Variants in CSMD1 observed in about 807,000 individuals in gnomAD.
The protein encoded by CSMD1 is CUB and Sushi multiple domains 1, also known as CUB and sushi domain-containing protein 1.
Under a neutral mutation model 417.5 loss-of-function variants are expected in CSMD1, and 213 were observed. The ratio of observed to expected loss-of-function variants is 0.51; its 90% CI spans 0.46 to 0.57. CSMD1 has a LOEUF of 0.57. Among genes scored for constraint, CSMD1 ranks in the 20% least tolerant of loss-of-function variants. The pLI is 0.00. For missense variants in CSMD1, 6,923 were observed against 4,529.7 expected, an observed-to-expected ratio of 1.53 and a Z score of -15.17; for synonymous variants, 2,862 against 1,736.8, an observed-to-expected ratio of 1.65 and a Z score of -16.11.
At chr8:4,882,898 A>C (rs1803502357) in intron 1 of CSMD1, among the ~76,000 whole-genome samples, 1 of 152,090 alleles carries the variant, frequency 6.6e-6, no homozygotes, top group African/African-American at 2.4e-5. Context: ...AGCAAGTCCT[A>C]GATTTCTTCA....
At chr8:4,368,824 C>T (rs1187224328) in intron 3 of CSMD1, among the ~76,000 whole-genome samples, 1 of 152,038 alleles carries the variant, frequency 6.6e-6, no homozygotes. Flanking sequence ...TTTGTCATTT[C>T]TAAGTGTCTT....
intron 1 of CSMD1, among the ~76,000 whole-genome samples, chr8:4,656,333 G>C (rs1053486415): frequency 6.6e-6 from 1 of 152,028 alleles, no homozygotes; most frequent in Non-Finnish European, 1.5e-5. Flanking sequence ...TCAGGGTAGA[G>C]AAGGTCAGAC....
chr8:4,157,490 A>G (rs1325550051), intron 3 of CSMD1, among the ~76,000 whole-genome samples: 1 of 151,584 alleles, frequency 6.6e-6, no homozygotes, highest in Non-Finnish European at 1.5e-5. Flanking sequence ...CCTTCTGACT[A>G]GCGGAGAAAG....
At chr8:4,191,958 C>A (rs990457154) in intron 3 of CSMD1, among the ~76,000 whole-genome samples, 2 of 152,142 alleles carry the variant, frequency 1.3e-5, no homozygotes, top group East Asian at 3.9e-4. Context: ...CACCCACAGG[C>A]AAAACACCCG....
At chr8:4,025,469 A>G (rs370225724) in intron 4 of CSMD1, among the ~76,000 whole-genome samples, 1 of 152,234 alleles carries the variant, frequency 6.6e-6, no homozygotes, top group African/African-American at 2.4e-5. Context: ...AACATAAAGC[A>G]AATTAAGAAG....
At chr8:3,659,222 G>A (rs1004367809) in intron 7 of CSMD1, among the ~76,000 whole-genome samples, 2 of 152,168 alleles carry the variant, frequency 1.3e-5, no homozygotes, top group African/African-American at 2.4e-5. Context: ...GCCCAGGGAG[G>A]TGAAATTGTG....
chr8:4,185,519 C>A (rs1368937407), intron 3 of CSMD1, among the ~76,000 whole-genome samples: 1 of 152,102 alleles, frequency 6.6e-6, no homozygotes. Context: ...TCTGCTAATA[C>A]AAGTGGGCAT....
chr8:3,986,066 C>T (rs946195791), intron 5 of CSMD1, among the ~76,000 whole-genome samples: 1 of 152,158 alleles, frequency 6.6e-6, no homozygotes, highest in East Asian at 1.9e-4. Flanking sequence ...TATATGAAGA[C>T]CCCATCCAAA....
chr8:4,073,328 T>A (rs1009233120), intron 3 of CSMD1, among the ~76,000 whole-genome samples: 2 of 152,148 alleles, frequency 1.3e-5, no homozygotes, highest in East Asian at 1.9e-4. Flanking sequence ...AAATGAAGAA[T>A]TGTGAAAGCT....
intron 7 of CSMD1, among the ~76,000 whole-genome samples, chr8:3,622,721 ACAGT>A (rs1796314694): frequency 6.6e-6 from 1 of 152,204 alleles, no homozygotes; most frequent in African/African-American, 2.4e-5. Context: ...CGTGTGATAA[ACAGT>A]CAGAAAAAGT....
At chr8:4,098,853 C>G (rs1037513980) in intron 3 of CSMD1, among the ~76,000 whole-genome samples, 2 of 152,198 alleles carry the variant, frequency 1.3e-5, no homozygotes, top group African/African-American at 4.8e-5. Context: ...AAATCTTGCT[C>G]ACTCATTCAT....
intron 26 of CSMD1, among the ~76,000 whole-genome samples, chr8:3,275,113 G>A (rs1233994171): frequency 6.6e-6 from 1 of 152,042 alleles, no homozygotes; most frequent in Admixed American, 6.5e-5. Flanking sequence ...AGCTCTGTTA[G>A]TGAAGGCCTG....
intron 53 of CSMD1, 56 bp from the exon 54 acceptor site, chr8:2,998,240 C>G: frequency 3.2e-6 from 5 of 1,556,650 alleles, no homozygotes; most frequent in Non-Finnish European, 4.4e-6. Flanking sequence ...ATCACTTTCC[C>G]TTGGGATTAT....
At chr8:3,220,308 T>C (rs73660614) in intron 28 of CSMD1, among the ~76,000 whole-genome samples, 16,954 of 152,208 alleles carry the variant, frequency 0.11, 1,118 homozygotes, top group East Asian at 0.24. Context: ...ACTTTCTCCA[T>C]TTTTCTGTTT....
At chr8:4,607,691 A>G (rs1447565562) in intron 2 of CSMD1, among the ~76,000 whole-genome samples, 2 of 152,176 alleles carry the variant, frequency 1.3e-5, no homozygotes, top group African/African-American at 4.8e-5. Flanking sequence ...TTTTTCCAGC[A>G]ATCTTCGTGA....
At chr8:4,157,050 C>G (rs747913406) in intron 3 of CSMD1, among the ~76,000 whole-genome samples, 3 of 152,148 alleles carry the variant, frequency 2.0e-5, no homozygotes, top group Non-Finnish European at 2.9e-5. Context: ...CACAAGGAGC[C>G]TGTAGACCAG....
intron 1 of CSMD1, among the ~76,000 whole-genome samples, chr8:4,816,578 C>G (rs1404416936): frequency 6.6e-6 from 1 of 152,116 alleles, no homozygotes; most frequent in African/African-American, 2.4e-5. Context: ...TAATCAAGAG[C>G]CTTCTGAGTG....
intron 1 of CSMD1, among the ~76,000 whole-genome samples, chr8:4,839,162 C>A (rs1305963523): frequency 6.6e-6 from 1 of 152,182 alleles, no homozygotes; most frequent in Non-Finnish European, 1.5e-5. Flanking sequence ...AACCATCCTT[C>A]TTTCCCTTCA....
intron 3 of CSMD1, among the ~76,000 whole-genome samples, chr8:4,045,063 C>T (rs931004735): frequency 7.9e-5 from 12 of 152,194 alleles, no homozygotes; most frequent in Non-Finnish European, 1.5e-4. Flanking sequence ...AAGCCTTGTG[C>T]CTGAGGTATG....
Sources: gnomAD v4.1 joint callset for allele counts (sites outside exome capture counted in the v4.1 genomes callset) on GRCh38, gnomAD v4.1.1 for gene constraint, MANE v1.5 for transcripts, NCBI Gene and HGNC (gene_info 2026-07-23, HGNC 2026-07-21) for gene names.